SRRM4: variants seen among roughly 807,000 people sequenced by gnomAD.
SRRM4 encodes the protein serine/arginine repetitive matrix 4.
Under a neutral mutation model 68.9 loss-of-function variants are expected in SRRM4, and 33 were observed. That is an observed-to-expected ratio of 0.48 (90% CI 0.36 to 0.64). The LOEUF is 0.64. Ranked by LOEUF, SRRM4 falls within the 30% of genes least tolerant of loss-of-function variation. The pLI is 0.00. For synonymous variants in SRRM4, 318 were observed against 318.8 expected (o/e 1.00, Z 0.03); for missense variants, 817 against 827.1 (o/e 0.99, Z 0.15).
At chr12:119,003,683 G>A (rs534582604) in intron 1 of SRRM4, among the ~76,000 whole-genome samples, 2 of 152,020 alleles carry the variant, frequency 1.3e-5, no homozygotes, top group East Asian at 4.0e-4. Context: ...ACACTGGAAG[G>A]TCTTGTCACC....
intron 1 of SRRM4, among the ~76,000 whole-genome samples, chr12:119,012,375 C>T (rs531588074): frequency 2.0e-5 from 3 of 152,326 alleles, no homozygotes; most frequent in East Asian, 3.9e-4. Context: ...ATATATCTCC[C>T]GAGAGGATAT....
chr12:119,070,007 G>A (rs923509868), intron 1 of SRRM4, among the ~76,000 whole-genome samples: 109 of 152,210 alleles, frequency 7.2e-4, no homozygotes, highest in African/African-American at 2.5e-3. Flanking sequence ...GTTAGGGGCC[G>A]GGGGCACTGC....
intron 3 of SRRM4, among the ~76,000 whole-genome samples, chr12:119,115,309 C>G (rs1242519537): frequency 6.6e-6 from 1 of 152,080 alleles, no homozygotes; most frequent in African/African-American, 2.4e-5. Flanking sequence ...CGTCCAATTC[C>G]TTTAAAATTT....
chr12:119,106,667 G>C (rs534177745), intron 2 of SRRM4, among the ~76,000 whole-genome samples: 1 of 145,920 alleles, frequency 6.9e-6, no homozygotes, highest in Non-Finnish European at 1.5e-5. Flanking sequence ...TTTGTATCCC[G>C]AGACTTTGCT....
intron 1 of SRRM4, among the ~76,000 whole-genome samples, chr12:119,067,175 C>T (rs1353779510): frequency 6.6e-6 from 1 of 151,340 alleles, no homozygotes; most frequent in African/African-American, 2.4e-5. Flanking sequence ...TAGTCATGCA[C>T]TTTGTATATC....
chr12:119,003,536 GTAGA>G (rs1166883167), intron 1 of SRRM4, among the ~76,000 whole-genome samples: 1 of 151,986 alleles, frequency 6.6e-6, no homozygotes, highest in Non-Finnish European at 1.5e-5. Context: ...AGGAGAGCTG[GTAGA>G]GGTTCCGAGG....
chr12:119,114,216 G>C (rs1954162902), intron 2 of SRRM4, 62 bp from the exon 3 acceptor site: 3 of 1,460,970 alleles, frequency 2.1e-6, no homozygotes, highest in Non-Finnish European at 2.8e-6. Flanking sequence ...GGCTGCACCA[G>C]CTCTGGTTGG....
intron 1 of SRRM4, among the ~76,000 whole-genome samples, chr12:119,085,292 A>G (rs1427614516): frequency 6.6e-6 from 1 of 152,264 alleles, no homozygotes; most frequent in Non-Finnish European, 1.5e-5. Flanking sequence ...AATCCTTGCA[A>G]TAACCCTGTG....
intron 1 of SRRM4, among the ~76,000 whole-genome samples, chr12:119,006,105 C>T (rs1303584388): frequency 6.6e-6 from 1 of 152,178 alleles, no homozygotes; most frequent in Non-Finnish European, 1.5e-5. Flanking sequence ...ATTGCATCCC[C>T]CTTGTGCCCT....
In SRRM4 at chr12:118,992,898, G is replaced by T. The variant is rs1953325928; in HGVS notation, c.131+10885G>T. 2.0e-5 allele frequency among the ~76,000 whole-genome samples: 3 copies of T among 152,176 alleles called. No individual in the cohort carries two copies. The South Asian group carries it at 6.2e-4, about 31-fold the overall frequency. On this transcript the variant is annotated intron_variant, in intron 1 of 12. Coordinates refer to ENST00000267260, the MANE Select transcript of SRRM4 (RefSeq NM_194286.4). ...GCACCCAGTCCCAAGACACCACACT[G>T]CTCAGAATTCCTTGGGGGAAGAAGA...
intron 1 of SRRM4, among the ~76,000 whole-genome samples, chr12:119,075,164 C>T (rs1040146446): frequency 6.6e-6 from 1 of 152,126 alleles, no homozygotes; most frequent in East Asian, 1.9e-4. Flanking sequence ...TTAATTGGTT[C>T]AAAACTTTGA....
At chr12:119,040,055 A>G (rs61683051) in intron 1 of SRRM4, among the ~76,000 whole-genome samples, 12,915 of 152,130 alleles carry the variant, frequency 0.085, 679 homozygotes, top group East Asian at 0.17. Context: ...AACTTTCCCA[A>G]TATGGAGAAA....
chr12:119,116,893 C>G, intron 3 of SRRM4, 44 bp from the exon 4 acceptor site: 9 of 1,596,266 alleles, frequency 5.6e-6, no homozygotes, highest in Non-Finnish European at 7.7e-6. Context: ...CAACCTTGGC[C>G]TTTAAGAGCC....
chr12:119,061,977 C>A (rs1953815039), intron 1 of SRRM4, among the ~76,000 whole-genome samples: 1 of 152,156 alleles, frequency 6.6e-6, no homozygotes, highest in Non-Finnish European at 1.5e-5. Context: ...AATGGGAATA[C>A]ATTCTGAAGT....
At chr12:119,050,547 C>G (rs1347212348) in intron 1 of SRRM4, among the ~76,000 whole-genome samples, 1 of 152,206 alleles carries the variant, frequency 6.6e-6, no homozygotes, top group Non-Finnish European at 1.5e-5. Flanking sequence ...GTGGAACTTG[C>G]AGCAGAGTGT....
At chr12:119,061,760 G>A (rs1953813549) in intron 1 of SRRM4, among the ~76,000 whole-genome samples, 1 of 152,016 alleles carries the variant, frequency 6.6e-6, no homozygotes, top group African/African-American at 2.4e-5. Flanking sequence ...ATTGACATAT[G>A]GGGCTGGATA....
At chr12:119,110,444 C>A (rs1027875113) in intron 2 of SRRM4, among the ~76,000 whole-genome samples, 2 of 152,220 alleles carry the variant, frequency 1.3e-5, no homozygotes, top group African/African-American at 4.8e-5. Flanking sequence ...CAGAGGCAGG[C>A]AGGCCTCCTT....
chr12:119,122,312 A>C (rs1050661493), intron 6 of SRRM4, among the ~76,000 whole-genome samples, 192 bp downstream of exon 6: 105 of 148,686 alleles, frequency 7.1e-4, no homozygotes, highest in African/African-American at 1.7e-3. Flanking sequence ...GGAAGGAAGG[A>C]AGGAAGGAAG....
At chr12:119,052,305 C>G (rs1004749694) in intron 1 of SRRM4, among the ~76,000 whole-genome samples, 2 of 152,112 alleles carry the variant, frequency 1.3e-5, no homozygotes, top group Admixed American at 1.3e-4. Flanking sequence ...AGTGAGTTTC[C>G]ACTGCTAAGG....
Sources: gnomAD v4.1 joint callset for allele counts (sites outside exome capture counted in the v4.1 genomes callset) on GRCh38, gnomAD v4.1.1 for gene constraint, MANE v1.5 for transcripts, NCBI Gene and HGNC (gene_info 2026-07-23, HGNC 2026-07-21) for gene names.